The following MGAT5 variants were observed in gnomAD, a reference collection of about 807,000 sequenced individuals.
The protein encoded by MGAT5 is alpha-1,6-mannosylglycoprotein 6-beta-N-acetylglucosaminyltransferase A.
In MGAT5, 30 loss-of-function variants were observed where a neutral mutation model predicts 94.3. The observed-to-expected ratio is 0.32, with a 90% CI of 0.24 to 0.43. The LOEUF is 0.43. Ranked by LOEUF, MGAT5 falls within the 20% of genes least tolerant of loss-of-function variation. The pLI, the probability that MGAT5 is intolerant of heterozygous loss-of-function variation, is 1.00. For missense variants in MGAT5, 691 were observed against 905.5 expected, an observed-to-expected ratio of 0.76 and a Z score of 3.04; for synonymous variants, 310 against 322.9, an observed-to-expected ratio of 0.96 and a Z score of 0.43.
intron 1 of MGAT5, among the ~76,000 whole-genome samples, chr2:134,181,503 C>G (rs2105174032): frequency 6.6e-6 from 1 of 152,142 alleles, no homozygotes; most frequent in East Asian, 1.9e-4. Flanking sequence ...TGAGGGGACA[C>G]ATTGTCTGTA....
At chr2:134,282,984 CAAAACCGAAAA>C (rs1684789233) in intron 2 of MGAT5, among the ~76,000 whole-genome samples, 1 of 138,186 alleles carries the variant, frequency 7.2e-6, no homozygotes. Flanking sequence ...CTATTAAAAC[CAAAACCGAAAA>C]AAAAAAAAAG....
intron 1 of MGAT5, among the ~76,000 whole-genome samples, chr2:134,179,413 A>T (rs753027564): frequency 2.6e-5 from 4 of 152,194 alleles, no homozygotes; most frequent in Non-Finnish European, 4.4e-5. Context: ...TCAACTATGC[A>T]TTGATCAGTT....
At chr2:134,129,168 G>T (rs187782845) in intron 1 of MGAT5, among the ~76,000 whole-genome samples, 1 of 152,232 alleles carries the variant, frequency 6.6e-6, no homozygotes, top group Non-Finnish European at 1.5e-5. Context: ...AGGGAGAATC[G>T]GTCTCCTTGC....
intron 14 of MGAT5, among the ~76,000 whole-genome samples, chr2:134,436,197 C>T (rs941791355): frequency 5.9e-5 from 9 of 152,138 alleles, no homozygotes; most frequent in African/African-American, 2.2e-4. Context: ...TGAGAGCAGG[C>T]AGAGCTGAAG....
chr2:134,360,747 G>A (rs113652507), intron 9 of MGAT5, among the ~76,000 whole-genome samples: 2,850 of 152,228 alleles, frequency 0.019, 99 homozygotes, highest in African/African-American at 0.065. Flanking sequence ...AGCAACTATC[G>A]CCTCTTGTTG....
chr2:134,156,108 A>G (rs1361665265), intron 1 of MGAT5, among the ~76,000 whole-genome samples: 1 of 152,126 alleles, frequency 6.6e-6, no homozygotes, highest in Non-Finnish European at 1.5e-5. Context: ...CCTGGCCTCT[A>G]CTGCTCCCTA....
At chr2:134,138,782 A>G (rs192357429) in intron 1 of MGAT5, among the ~76,000 whole-genome samples, 3 of 152,342 alleles carry the variant, frequency 2.0e-5, no homozygotes, top group East Asian at 3.9e-4. Flanking sequence ...GGTGACTCAC[A>G]TAATAAGCAA....
chr2:134,359,281 A>G (rs1679938417), intron 9 of MGAT5, among the ~76,000 whole-genome samples: 1 of 152,252 alleles, frequency 6.6e-6, no homozygotes, highest in East Asian at 1.9e-4. Flanking sequence ...CACAGGGTCC[A>G]GAAAATTATT....
intron 1 of MGAT5, among the ~76,000 whole-genome samples, chr2:134,137,021 G>A (rs1370041207): frequency 5.9e-5 from 9 of 152,172 alleles, no homozygotes; most frequent in Non-Finnish European, 1.0e-4. Flanking sequence ...AAAGCCAAAT[G>A]TCCTAATTAT....
intron 10 of MGAT5, among the ~76,000 whole-genome samples, chr2:134,375,166 A>G (rs912078609): frequency 1.3e-5 from 2 of 152,236 alleles, no homozygotes; most frequent in Non-Finnish European, 2.9e-5. Context: ...TGGCCTTCAC[A>G]ATGACTATGA....
At position 134,318,763 on chromosome 2, in the gene MGAT5, G is replaced by A. The variant is rs7593835; in HGVS notation, c.573+24G>A. The stretch of plus-strand genomic sequence containing the variant: ...AGGTGAGTAGCTTTCTGTGGCTCCT[G>A]GGGGTAGATGTGACTGGTTGGACTG... On this transcript the variant is annotated intron_variant, in intron 4 of 15. Transcript: ENST00000281923. 10 of 1,526,074 alleles carry A rather than the reference G, an allele frequency of 6.6e-6. No homozygotes were observed. In the African/African-American group the frequency reaches 1.1e-4, roughly 17 times the overall value. The allele number at this position is 1,526,074 out of a possible 1,614,324, so 94.5% of individuals were successfully genotyped here.
At chr2:134,331,979 G>A (rs1475896449) in intron 4 of MGAT5, among the ~76,000 whole-genome samples, 3 of 151,070 alleles carry the variant, frequency 2.0e-5, no homozygotes, top group African/African-American at 7.3e-5. Context: ...TCATGAAAAG[G>A]AAGAATCAAT....
At chr2:134,249,208 G>T (rs189961223), upstream of MGAT5, among the ~76,000 whole-genome samples, 8 of 150,874 alleles carry the variant, frequency 5.3e-5, no homozygotes, top group Non-Finnish European at 8.9e-5. Context: ...AGGTGGGCTT[G>T]CTTTCTTTTT....
In MGAT5 at chr2:134,341,632, A is replaced by C. The variant is rs139598273; in HGVS notation, c.850A>C (p.Lys284Gln). The stretch of plus-strand genomic sequence containing the variant: ...ACTCCTGACCAAGGAATCTGGATTT[A>C]AGATTGCAGAGACAGCTTTCAGTGG... ...LGLLTKESGF[K>Q]IAETAFSGGP... The change falls in exon 7 of 16, where the codon AAG (lysine) becomes CAG (glutamine). Residue 284 changes from lysine to glutamine, a missense_variant. Around this residue, in one of 4 missense-constraint regions of MGAT5, gnomAD observed 121 missense variants for 206.1 expected, o/e 0.59. Transcript: ENST00000281923. 2.5e-5 allele frequency: 41 copies of C among 1,613,278 alleles called. No homozygotes were observed. The African/African-American group carries it at 2.8e-4, about 11-fold the overall frequency.
intron 4 of MGAT5, among the ~76,000 whole-genome samples, chr2:134,322,004 G>A (rs1408951410): frequency 6.6e-6 from 1 of 152,086 alleles, no homozygotes; most frequent in African/African-American, 2.4e-5. Flanking sequence ...CCTTCAATAG[G>A]AATAATATCT....
chr2:134,282,546 C>T (rs1255586361), intron 2 of MGAT5, among the ~76,000 whole-genome samples: 1 of 152,186 alleles, frequency 6.6e-6, no homozygotes, highest in African/African-American at 2.4e-5. Context: ...GTTATTCTAC[C>T]ACCCAGAGAT....
At chr2:134,258,972 C>T (rs188805814) in intron 1 of MGAT5, among the ~76,000 whole-genome samples, 1 of 152,322 alleles carries the variant, frequency 6.6e-6, no homozygotes, top group East Asian at 1.9e-4. Flanking sequence ...AGTACTCAAA[C>T]AATAATAGAA....
At chr2:134,145,214 C>CTCTCTGTGTG (rs373377770) in intron 1 of MGAT5, among the ~76,000 whole-genome samples, 7,439 of 143,768 alleles carry the variant, frequency 0.052, 319 homozygotes, top group East Asian at 0.19. Flanking sequence ...GTCTCTCTCT[C>CTCTCTGTGTG]TGTGTGTGTG....
intron 1 of MGAT5, among the ~76,000 whole-genome samples, chr2:134,201,737 C>G (rs907984844): frequency 6.0e-5 from 9 of 150,916 alleles, no homozygotes; most frequent in African/African-American, 2.2e-4. Flanking sequence ...CCAGGGTGGC[C>G]TTGGTGGCCG....
Sources: allele counts gnomAD v4.1 joint callset (sites outside exome capture counted in the v4.1 genomes callset), GRCh38; gene constraint gnomAD v4.1.1; regional missense constraint gnomAD v4.1.1; transcripts MANE v1.5; gene names NCBI Gene and HGNC (gene_info 2026-07-23, HGNC 2026-07-21).